Variants in SLC2A13 observed in about 807,000 individuals in gnomAD.
The protein encoded by SLC2A13 is solute carrier family 2 member 13.
In SLC2A13, 32 loss-of-function variants were observed where a neutral mutation model predicts 64.4. The observed-to-expected ratio is 0.50, with a 90% CI of 0.37 to 0.67. SLC2A13 has a LOEUF of 0.67. SLC2A13 is among the 30% of genes least tolerant of loss of function. The pLI is 0.00. For missense variants in SLC2A13, 743 were observed against 829.2 expected (o/e 0.90, Z 1.28); for synonymous variants, 338 against 327.1 (o/e 1.03, Z -0.36).
At chr12:40,026,858 T>A (rs1223195487) in intron 3 of SLC2A13, among the ~76,000 whole-genome samples, 1 of 152,214 alleles carries the variant, frequency 6.6e-6, no homozygotes, top group Non-Finnish European at 1.5e-5. Context: ...GGTGGGCAGA[T>A]CACCAGAGGT....
At chr12:40,049,463 T>C (rs889131616) in intron 1 of SLC2A13, among the ~76,000 whole-genome samples, 1 of 152,184 alleles carries the variant, frequency 6.6e-6, no homozygotes, top group Non-Finnish European at 1.5e-5. Context: ...TTACATTCCA[T>C]ACAGCAAGTG....
chr12:39,769,626 A>G (rs1389981574), intron 7 of SLC2A13, among the ~76,000 whole-genome samples: 2 of 151,944 alleles, frequency 1.3e-5, no homozygotes, highest in African/African-American at 4.8e-5. Context: ...GTGTTCTTGC[A>G]TCTCATTCTC....
chr12:39,784,457 G>A (rs531959806), intron 7 of SLC2A13, among the ~76,000 whole-genome samples: 32 of 152,258 alleles, frequency 2.1e-4, no homozygotes, highest in Admixed American at 7.2e-4. Flanking sequence ...CAAACCTGAC[G>A]AAAGCAAGAA....
intron 3 of SLC2A13, among the ~76,000 whole-genome samples, chr12:39,954,510 G>C (rs559337578): frequency 6.6e-6 from 1 of 152,308 alleles, no homozygotes; most frequent in African/African-American, 2.4e-5. Context: ...CAGGGCTGGG[G>C]ATAGTGCCTG....
At chr12:39,841,895 T>C (rs561944905) in intron 6 of SLC2A13, among the ~76,000 whole-genome samples, 1 of 152,198 alleles carries the variant, frequency 6.6e-6, no homozygotes, top group East Asian at 1.9e-4. Flanking sequence ...ATGAAGATTT[T>C]TGAGGGTGAA....
chr12:39,952,893 G>A (rs1946254071), intron 3 of SLC2A13, among the ~76,000 whole-genome samples: 1 of 152,040 alleles, frequency 6.6e-6, no homozygotes, highest in Non-Finnish European at 1.5e-5. Flanking sequence ...TGCAAATACA[G>A]ATACCTGCAA....
intron 7 of SLC2A13, among the ~76,000 whole-genome samples, chr12:39,799,388 G>T (rs1317919681): frequency 6.6e-6 from 1 of 151,500 alleles, no homozygotes; most frequent in Non-Finnish European, 1.5e-5. Flanking sequence ...GGAATTACAG[G>T]CATGAGCCAC....
intron 7 of SLC2A13, among the ~76,000 whole-genome samples, chr12:39,822,451 A>G (rs567040316): frequency 1.5e-3 from 230 of 152,294 alleles, no homozygotes; most frequent in African/African-American, 5.0e-3. Context: ...ATCTAAACTC[A>G]TATTTACTGT....
In SLC2A13 at chr12:40,028,738, T is replaced by C. The variant is rs552923819; in HGVS notation, c.717-229A>G. On this transcript the variant is annotated intron_variant, in intron 2 of 9. Coordinates refer to ENST00000280871, the MANE Select transcript of SLC2A13 (RefSeq NM_052885.4). Reference sequence around the variant, plus strand: ...TTATTTCTCTACCTTTCCCACAAATTACATTGAAAAAGAATGAGCAAAAGC... The same window carrying C: ...TTATTTCTCTACCTTTCCCACAAATCACATTGAAAAAGAATGAGCAAAAGC... Among the ~76,000 whole-genome samples, 12 of 152,296 alleles carry C rather than the reference T, an allele frequency of 7.9e-5. No homozygotes were observed. The South Asian group carries it at 2.3e-3, about 29-fold the overall frequency.
chr12:39,920,308 A>G (rs1470696741), intron 4 of SLC2A13, among the ~76,000 whole-genome samples: 1 of 152,150 alleles, frequency 6.6e-6, no homozygotes, highest in Non-Finnish European at 1.5e-5. Flanking sequence ...TATCTCCAAG[A>G]AAACCTAGCA....
chr12:39,826,854 A>ATTTT (rs63699664), intron 7 of SLC2A13, among the ~76,000 whole-genome samples: 69 of 67,392 alleles, frequency 1.0e-3, no homozygotes, highest in African/African-American at 4.2e-3. Context: ...GTCTCTTTCA[A>ATTTT]TTTTTTTTTT....
chr12:40,101,964 G>C (rs182605957), intron 1 of SLC2A13, among the ~76,000 whole-genome samples: 1 of 151,948 alleles, frequency 6.6e-6, no homozygotes, highest in Admixed American at 6.5e-5. Flanking sequence ...ACCAGGTCTC[G>C]AACATACTAA....
At chr12:39,854,767 G>A (rs1044124565) in intron 6 of SLC2A13, among the ~76,000 whole-genome samples, 1 of 152,076 alleles carries the variant, frequency 6.6e-6, no homozygotes. Context: ...ATCATCCTGT[G>A]CCTGGTGGCC....
chr12:39,773,281 G>A (rs1940651296), intron 7 of SLC2A13, among the ~76,000 whole-genome samples: 2 of 152,164 alleles, frequency 1.3e-5, no homozygotes, highest in South Asian at 2.1e-4. Flanking sequence ...GCAATCAGGT[G>A]AAATATGTCT....
At position 39,951,337 on chromosome 12, in the gene SLC2A13, A is replaced by T; in HGVS notation, c.954T>A (p.Ser318Arg). ...TTAAAGCTCGGCGAGTTGGGGGATA[A>T]CTCAGCATTCTGCAGATCACAGGTC... The part of the protein sequence containing the change: ...SAGPVICRML[S>R]YPPTRRALIV... The change falls in exon 4 of 10, where the codon AGT (serine) becomes AGA (arginine). Residue 318 changes from serine to arginine, a missense_variant. This residue lies in a region of SLC2A13 where 448 missense variants were observed against 447.4 expected (regional missense o/e 1.00). Coordinates refer to ENST00000280871, the MANE Select transcript of SLC2A13 (RefSeq NM_052885.4). The T allele has an allele frequency of 6.2e-7, 1 of 1,609,910 alleles. No individual in the cohort carries two copies. The highest frequency in any genetic ancestry group is 1.1e-5 in the South Asian group (1 of 90,086).
chr12:40,045,782 C>T (rs1334785231), intron 2 of SLC2A13, among the ~76,000 whole-genome samples: 1 of 152,088 alleles, frequency 6.6e-6, no homozygotes, highest in Non-Finnish European at 1.5e-5. Context: ...ATTGGCTTTA[C>T]TGCAAATATA....
chr12:39,803,416 T>C (rs1412413530), intron 7 of SLC2A13, among the ~76,000 whole-genome samples: 1 of 152,020 alleles, frequency 6.6e-6, no homozygotes, highest in Non-Finnish European at 1.5e-5. Flanking sequence ...CTTTAGACCA[T>C]AAAACTATCA....
intron 7 of SLC2A13, among the ~76,000 whole-genome samples, chr12:39,810,869 G>T (rs946954233): frequency 6.6e-6 from 1 of 152,036 alleles, no homozygotes; most frequent in Non-Finnish European, 1.5e-5. Context: ...GAGATACTGC[G>T]ATGTTCATCT....
chr12:39,934,577 T>A (rs1163390916), intron 4 of SLC2A13, among the ~76,000 whole-genome samples: 1 of 152,142 alleles, frequency 6.6e-6, no homozygotes, highest in Non-Finnish European at 1.5e-5. Flanking sequence ...TTGCAAACAG[T>A]CTTAGATAAA....
Sources: gnomAD v4.1 joint callset for allele counts (sites outside exome capture counted in the v4.1 genomes callset) on GRCh38, gnomAD v4.1.1 for gene constraint, gnomAD v4.1.1 regional missense constraint, MANE v1.5 for transcripts, NCBI Gene and HGNC (gene_info 2026-07-23, HGNC 2026-07-21) for gene names.